Variants in KANK1 observed in about 807,000 individuals in gnomAD.
The protein encoded by KANK1 is KN motif and ankyrin repeat domain-containing protein 1.
Under a neutral mutation model 106.2 loss-of-function variants are expected in KANK1, and 109 were observed. That is an observed-to-expected ratio of 1.03 (90% CI 0.88 to 1.20). The LOEUF (loss-of-function observed/expected upper bound fraction) is 1.20. KANK1 is among the 50% of genes most tolerant of loss of function. The pLI is 0.00. For synonymous variants in KANK1, 873 were observed against 652.2 expected, an observed-to-expected ratio of 1.34 and a Z score of -5.16; for missense variants, 2,399 against 1,710.7, an observed-to-expected ratio of 1.40 and a Z score of -7.10.
At chr9:552,208 C>T (rs1261127636) in intron 1 of KANK1, among the ~76,000 whole-genome samples, 3 of 152,116 alleles carry the variant, frequency 2.0e-5, no homozygotes, top group African/African-American at 7.2e-5. Context: ...GCGGAAATAG[C>T]ATATGCAGAC....
intron 2 of KANK1, among the ~76,000 whole-genome samples, chr9:698,749 C>T (rs1589007725): frequency 6.6e-6 from 1 of 152,132 alleles, no homozygotes; most frequent in African/African-American, 2.4e-5. Flanking sequence ...TCATATGGTG[C>T]AAAGGAGTTT....
At chr9:587,700 T>A (rs116546462) in intron 1 of KANK1, among the ~76,000 whole-genome samples, 1,966 of 152,274 alleles carry the variant, frequency 0.013, 41 homozygotes, top group African/African-American at 0.045. Context: ...ACCAAGCATT[T>A]TATATATATT....
rs528010484 is a variant in KANK1, at chr9:621,887, A to G, written c.-83-55003A>G. On this transcript the variant is annotated intron_variant, in intron 1 of 11. Transcript: ENST00000382297. ...GGGGTACAGTCCAGATGGGAGATGA[A>G]ATCCAAATGCTCCACCAAAGGGCTT... Among the ~76,000 whole-genome samples, 151 of 152,296 alleles carry G rather than the reference A, an allele frequency of 9.9e-4. 5 individuals are homozygous for G. The South Asian group carries it at 0.031, about 31-fold the overall frequency.
intron 1 of KANK1, among the ~76,000 whole-genome samples, chr9:517,424 C>T (rs763562978): frequency 8.6e-5 from 13 of 151,410 alleles, no homozygotes; most frequent in Admixed American, 2.6e-4. Flanking sequence ...TTTGTCGGGA[C>T]GGTTTCGATT....
intron 1 of KANK1, among the ~76,000 whole-genome samples, chr9:519,627 A>G (rs1390138252): frequency 6.6e-6 from 1 of 151,744 alleles, no homozygotes; most frequent in Non-Finnish European, 1.5e-5. Flanking sequence ...ACCTCTCATA[A>G]AATCCCAGAC....
chr9:570,063 C>T (rs1055426575), intron 1 of KANK1, among the ~76,000 whole-genome samples: 4 of 152,002 alleles, frequency 2.6e-5, no homozygotes, highest in African/African-American at 9.6e-5. Flanking sequence ...TAGTTTTTTT[C>T]TCCTTGTATT....
rs1826626209 is a variant in KANK1 at position 713,023 on chromosome 9, G to C, written c.2257G>C (p.Ala753Pro). 2.5e-6 allele frequency: 4 copies of C among 1,614,196 alleles called. No individual in the cohort carries two copies. The highest frequency in any genetic ancestry group is 2.5e-6 in the Non-Finnish European group (3 of 1,180,034). The change falls in exon 3 of 12, where the codon GCT becomes CCT. Residue 753 changes from alanine (A) to proline (P), a missense_variant. Coordinates refer to ENST00000382297, the MANE Select transcript of KANK1 (RefSeq NM_015158.5). ...SGHSGFDRPS[A>P]VKTKESGVGQ... ...CCATTCTGGGTTTGACAGGCCATCAGCTGTGAAGACCAAAGAGTCAGGTGT... is the reference window on the plus strand; with the variant it reads ...CCATTCTGGGTTTGACAGGCCATCACCTGTGAAGACCAAAGAGTCAGGTGT...
chr9:589,912 A>G (rs990703271), intron 1 of KANK1, among the ~76,000 whole-genome samples: 1 of 152,198 alleles, frequency 6.6e-6, no homozygotes, highest in Non-Finnish European at 1.5e-5. Context: ...TCTGGGCTCC[A>G]AGTCGACAGA....
intron 1 of KANK1, among the ~76,000 whole-genome samples, chr9:542,084 G>T (rs369680790): frequency 1.3e-5 from 2 of 150,256 alleles, no homozygotes; most frequent in African/African-American, 4.9e-5. Flanking sequence ...GCGAGACTCC[G>T]TCTCAAAAAA....
At chr9:525,184 G>A (rs2059731530) in intron 1 of KANK1, among the ~76,000 whole-genome samples, 2 of 150,884 alleles carry the variant, frequency 1.3e-5, no homozygotes, top group South Asian at 2.1e-4. Context: ...TAGTAGAGAC[G>A]GGGTTTTGCC....
intron 2 of KANK1, among the ~76,000 whole-genome samples, chr9:703,901 A>G (rs1323146867): frequency 6.6e-6 from 1 of 151,958 alleles, no homozygotes; most frequent in Non-Finnish European, 1.5e-5. Flanking sequence ...TTTAGTAGAG[A>G]CCTGGTTTCA....
chr9:474,072 A>T (rs1438313846), intron 3 of KANK1, among the ~76,000 whole-genome samples: 1 of 152,194 alleles, frequency 6.6e-6, no homozygotes, highest in Non-Finnish European at 1.5e-5. Context: ...CTCACAAGAA[A>T]TACTATCTAT....
intron 1 of KANK1, among the ~76,000 whole-genome samples, 164 bp downstream of exon 1, chr9:504,918 C>A (rs2058672130): frequency 6.6e-6 from 1 of 150,438 alleles, no homozygotes; most frequent in Admixed American, 6.6e-5. Flanking sequence ...CCCCCGCGGG[C>A]TCCCGCTCGT....
chr9:587,001 C>G (rs1013171407), intron 1 of KANK1, among the ~76,000 whole-genome samples: 1 of 152,132 alleles, frequency 6.6e-6, no homozygotes. Context: ...AAAAACATTT[C>G]TTTTTCCTTT....
At chr9:623,022 C>G (rs992325834) in intron 1 of KANK1, among the ~76,000 whole-genome samples, 1 of 152,092 alleles carries the variant, frequency 6.6e-6, no homozygotes, top group Non-Finnish European at 1.5e-5. Flanking sequence ...GCTGTTACCT[C>G]AAAGCACAGG....
At chr9:523,607 C>G (rs2059648089) in intron 1 of KANK1, among the ~76,000 whole-genome samples, 1 of 151,734 alleles carries the variant, frequency 6.6e-6, no homozygotes, top group Non-Finnish European at 1.5e-5. Flanking sequence ...TGTAGCCTCT[C>G]CTGTGCTCGC....
chr9:504,863 C>G (rs1336730218), intron 1 of KANK1, 109 bp downstream of exon 1: 2 of 146,794 alleles, frequency 1.4e-5, no homozygotes, highest in East Asian at 4.3e-4. Flanking sequence ...GCCGACTTGG[C>G]GCGCGCCGGG....
At chr9:478,402 T>G (rs1178218333) in intron 3 of KANK1, 1 of 152,452 alleles carries the variant, frequency 6.6e-6, no homozygotes, top group Non-Finnish European at 1.5e-5. Context: ...CAACTAAAAA[T>G]AAAAACACAG....
At chr9:574,497 G>T (rs755466195) in intron 1 of KANK1, among the ~76,000 whole-genome samples, 2 of 134,510 alleles carry the variant, frequency 1.5e-5, no homozygotes, top group African/African-American at 2.5e-5. Context: ...TGTTAATATT[G>T]AAATGAGCAG....
Sources: gnomAD v4.1 joint callset for allele counts (sites outside exome capture counted in the v4.1 genomes callset) on GRCh38, gnomAD v4.1.1 for gene constraint, MANE v1.5 for transcripts, NCBI Gene and HGNC (gene_info 2026-07-23, HGNC 2026-07-21) for gene names.